The following KCNAB1 variants were observed in gnomAD, a reference collection of about 807,000 sequenced individuals.
The protein encoded by KCNAB1 is voltage-gated potassium channel subunit beta-1.
Under a neutral mutation model 64.6 loss-of-function variants are expected in KCNAB1, and 35 were observed. The observed-to-expected ratio is 0.54, with a 90% CI of 0.41 to 0.72. The LOEUF (loss-of-function observed/expected upper bound fraction) is 0.72. KCNAB1 is among the 30% of genes least tolerant of loss of function. The probability of loss-of-function intolerance (pLI) is 0.00; values close to 1 mark genes in which losing one functional copy is unlikely to be tolerated. For missense variants in KCNAB1, 401 were observed against 512.9 expected (o/e 0.78, Z 2.11); for synonymous variants, 177 against 183.8 (o/e 0.96, Z 0.30).
chr3:156,166,528 TATACAC>T (rs958090206), intron 1 of KCNAB1, among the ~76,000 whole-genome samples: 26 of 145,072 alleles, frequency 1.8e-4, no homozygotes, highest in Non-Finnish European at 2.9e-4. Context: ...AAAATACATA[TATACAC>T]ACACACACAC....
intron 1 of KCNAB1, among the ~76,000 whole-genome samples, chr3:156,408,030 A>G (rs1714370075): frequency 6.6e-6 from 1 of 151,380 alleles, no homozygotes; most frequent in Non-Finnish European, 1.5e-5. Context: ...TCACAGAGAG[A>G]TTGTGGAAGG....
intron 8 of KCNAB1, among the ~76,000 whole-genome samples, chr3:156,478,534 A>G (rs1348234061): frequency 5.9e-5 from 9 of 152,172 alleles, no homozygotes; most frequent in Admixed American, 6.6e-5. Context: ...AGCGCGGAGT[A>G]CAAGAACTTG....
intron 1 of KCNAB1, among the ~76,000 whole-genome samples, chr3:156,336,157 C>T (rs150858473): frequency 0.014 from 2,149 of 152,164 alleles, 19 homozygotes; most frequent in South Asian, 0.031. Flanking sequence ...GTCAGAAGTT[C>T]GAAACCAGCC....
At chr3:156,139,580 C>CTG (rs1553807253) in intron 1 of KCNAB1, among the ~76,000 whole-genome samples, 2 of 76,890 alleles carry the variant, frequency 2.6e-5, no homozygotes, top group Admixed American at 1.7e-4. Context: ...CTCCATTGTA[C>CTG]TGTGTTTTTT....
At chr3:156,511,190 A>G (rs1286087625) in intron 8 of KCNAB1, among the ~76,000 whole-genome samples, 3 of 150,912 alleles carry the variant, frequency 2.0e-5, no homozygotes, top group Admixed American at 6.6e-5. Context: ...TGCGAGCTCC[A>G]CCTCCCAGGT....
chr3:156,284,815 C>T (rs1189040917), intron 1 of KCNAB1, among the ~76,000 whole-genome samples: 1 of 152,260 alleles, frequency 6.6e-6, no homozygotes, highest in Non-Finnish European at 1.5e-5. Context: ...ATGCCTCACC[C>T]TGCTTCGGCT....
rs544283655 is a variant in KCNAB1 at position 156,197,220 on chromosome 3, A to G, written c.275+76334A>G. On this transcript the variant is annotated intron_variant, in intron 1 of 13. Coordinates refer to ENST00000490337, the MANE Select transcript of KCNAB1 (RefSeq NM_172160.3). Reference sequence around the variant, plus strand: ...TCGGTGTGCTAGTATTTTATTGAGGATTTTTGCATTGATGTTCATCAGGGA... The same window carrying G: ...TCGGTGTGCTAGTATTTTATTGAGGGTTTTTGCATTGATGTTCATCAGGGA... Among the ~76,000 whole-genome samples, 137 of 151,980 alleles carry G rather than the reference A, an allele frequency of 9.0e-4. 1 individual carries two copies. Among genetic ancestry groups the G allele is most frequent in the Non-Finnish European group, 1.7e-3 (116 of 67,950 alleles).
At chr3:156,502,809 T>C (rs1034167516) in intron 8 of KCNAB1, among the ~76,000 whole-genome samples, 31 of 152,172 alleles carry the variant, frequency 2.0e-4, no homozygotes, top group African/African-American at 7.0e-4. Context: ...TACAACCTAG[T>C]AATGATAAAA....
At chr3:156,519,628 C>T (rs1052961436) in intron 11 of KCNAB1, among the ~76,000 whole-genome samples, 8 of 152,204 alleles carry the variant, frequency 5.3e-5, no homozygotes, top group Non-Finnish European at 1.0e-4. Context: ...TATTGGTTCA[C>T]AAAGACAATC....
intron 2 of KCNAB1, among the ~76,000 whole-genome samples, chr3:156,436,996 G>A (rs1043095987): frequency 3.9e-5 from 6 of 152,036 alleles, no homozygotes; most frequent in East Asian, 3.9e-4. Flanking sequence ...GTGCCATGTC[G>A]TGAATGGTAT....
At chr3:156,251,469 A>G (rs1215311514) in intron 1 of KCNAB1, among the ~76,000 whole-genome samples, 2 of 152,202 alleles carry the variant, frequency 1.3e-5, no homozygotes, top group Non-Finnish European at 2.9e-5. Context: ...GAGTACTGAA[A>G]CTATATGGAA....
intron 1 of KCNAB1, among the ~76,000 whole-genome samples, chr3:156,268,011 A>AC: frequency 6.8e-6 from 1 of 147,700 alleles, no homozygotes; most frequent in Admixed American, 6.8e-5. Context: ...TCCATTAGCC[A>AC]CCCCCACTTC....
chr3:156,118,623 A>C (rs1269850495), upstream of KCNAB1, among the ~76,000 whole-genome samples: 1 of 152,254 alleles, frequency 6.6e-6, no homozygotes, highest in African/African-American at 2.4e-5. Context: ...GTCTAGGATC[A>C]CAGCACTGGT....
chr3:156,221,548 C>T (rs11915771), intron 1 of KCNAB1, among the ~76,000 whole-genome samples: 84,264 of 151,908 alleles, frequency 0.55, 24,268 homozygotes, highest in East Asian at 0.9. Flanking sequence ...AGGGCTGAGG[C>T]GGGTGGATCA....
At chr3:156,138,215 G>A (rs1290265246) in intron 1 of KCNAB1, among the ~76,000 whole-genome samples, 2 of 152,318 alleles carry the variant, frequency 1.3e-5, no homozygotes, top group Admixed American at 1.3e-4. Context: ...CCCTCTAGAT[G>A]GTTCCCAGTG....
chr3:156,243,873 C>T (rs1409772115), intron 1 of KCNAB1, among the ~76,000 whole-genome samples: 1 of 152,112 alleles, frequency 6.6e-6, no homozygotes, highest in East Asian at 1.9e-4. Context: ...TAGGCTGTAG[C>T]CTCCCCTCCC....
At chr3:156,330,864 G>A (rs1190086713) in intron 1 of KCNAB1, among the ~76,000 whole-genome samples, 1 of 152,124 alleles carries the variant, frequency 6.6e-6, no homozygotes. Context: ...GGCCTTTCAA[G>A]CTTTATAGCA....
intron 1 of KCNAB1, among the ~76,000 whole-genome samples, chr3:156,240,894 G>A (rs550655255): frequency 2.0e-5 from 3 of 152,246 alleles, no homozygotes; most frequent in Admixed American, 6.5e-5. Context: ...TCGAGGGTGC[G>A]TTATCAAGAA....
intron 1 of KCNAB1, among the ~76,000 whole-genome samples, chr3:156,307,483 C>G (rs1163305736): frequency 6.6e-6 from 1 of 151,994 alleles, no homozygotes; most frequent in Non-Finnish European, 1.5e-5. Flanking sequence ...TGCTTTTCCA[C>G]TTAGAGTTGG....
Sources: allele counts gnomAD v4.1 joint callset (sites outside exome capture counted in the v4.1 genomes callset), GRCh38; gene constraint gnomAD v4.1.1; transcripts MANE v1.5; gene names NCBI Gene and HGNC (gene_info 2026-07-23, HGNC 2026-07-21).